Variants in WDR41 observed in about 807,000 individuals in gnomAD.
The protein encoded by WDR41 is WD repeat domain 41, also known as WD repeat-containing protein 41.
In WDR41, 63 loss-of-function variants were observed where a neutral mutation model predicts 69.3. The ratio of observed to expected loss-of-function variants is 0.91; its 90% CI spans 0.74 to 1.12. The LOEUF (loss-of-function observed/expected upper bound fraction) is 1.12, where lower values mean the gene tolerates loss of function less well. Among genes scored for constraint, WDR41 ranks in the 50% most tolerant of loss-of-function variants. The pLI is 0.00. For synonymous variants in WDR41, 185 were observed against 192.1 expected (o/e 0.96, Z 0.31); for missense variants, 543 against 534.5 (o/e 1.02, Z -0.16).
intron 2 of WDR41, among the ~76,000 whole-genome samples, chr5:77,481,058 G>T (rs1192847031): frequency 5.9e-5 from 9 of 151,402 alleles, no homozygotes; most frequent in African/African-American, 1.7e-4. Flanking sequence ...GTCTCGCCCT[G>T]TTGCCCAGGC....
At chr5:77,496,636 C>T (rs1162240788), upstream of WDR41, among the ~76,000 whole-genome samples, 2 of 151,922 alleles carry the variant, frequency 1.3e-5, no homozygotes, top group Non-Finnish European at 2.9e-5. Flanking sequence ...AATAAAAAGA[C>T]GTCCAAGCTC....
intron 1 of WDR41, among the ~76,000 whole-genome samples, chr5:77,498,320 A>T (rs140118816): frequency 0.012 from 1,833 of 150,730 alleles, 36 homozygotes; most frequent in African/African-American, 0.041. Flanking sequence ...AGCCACATAT[A>T]TATGGATAAC....
chr5:77,613,859 A>T (rs892098628), intron 1 of WDR41, among the ~76,000 whole-genome samples: 1 of 152,256 alleles, frequency 6.6e-6, no homozygotes, highest in African/African-American at 2.4e-5. Context: ...TGAACAGGCA[A>T]CCTACAGAAT....
At chr5:77,556,092 G>T in intron 1 of WDR41, among the ~76,000 whole-genome samples, 1 of 143,062 alleles carries the variant, frequency 7.0e-6, no homozygotes, top group Admixed American at 7.2e-5. Context: ...GGGAAAAGAT[G>T]GACTTTTTTT....
At chr5:77,557,284 C>T (rs1412995669) in intron 1 of WDR41, among the ~76,000 whole-genome samples, 1 of 151,900 alleles carries the variant, frequency 6.6e-6, no homozygotes, top group Middle Eastern at 3.4e-3. Context: ...AACAAAAAAC[C>T]ATTAAGAGAA....
chr5:77,439,278 C>T (rs547425867), intron 9 of WDR41, among the ~76,000 whole-genome samples: 89 of 152,320 alleles, frequency 5.8e-4, no homozygotes, highest in African/African-American at 2.1e-3. Flanking sequence ...GGCTCTCCAA[C>T]CTTTCTCACA....
intron 2 of WDR41, among the ~76,000 whole-genome samples, chr5:77,469,130 C>A (rs1800438767): frequency 6.6e-6 from 1 of 152,104 alleles, no homozygotes; most frequent in East Asian, 1.9e-4. Flanking sequence ...TCTCAGCAAA[C>A]TATCGCCAAG....
At chr5:77,545,111 C>T (rs1445602162) in intron 1 of WDR41, among the ~76,000 whole-genome samples, 2 of 152,014 alleles carry the variant, frequency 1.3e-5, no homozygotes, top group Non-Finnish European at 2.9e-5. Flanking sequence ...TTAAAATGTT[C>T]TTCAGACTGA....
At chr5:77,485,898 G>A (rs960759178) in intron 2 of WDR41, among the ~76,000 whole-genome samples, 3 of 151,826 alleles carry the variant, frequency 2.0e-5, no homozygotes, top group East Asian at 3.9e-4. Context: ...TCAATAAGAT[G>A]ATATTATCTA....
At chr5:77,620,321 A>T (rs1395232840) in intron 1 of WDR41, among the ~76,000 whole-genome samples, 1 of 152,250 alleles carries the variant, frequency 6.6e-6, no homozygotes, top group Non-Finnish European at 1.5e-5. Context: ...TAAAATAGAA[A>T]GTTAGCATAT....
At chr5:77,547,319 G>C (rs533019709) in intron 1 of WDR41, among the ~76,000 whole-genome samples, 4 of 152,152 alleles carry the variant, frequency 2.6e-5, no homozygotes, top group South Asian at 4.1e-4. Context: ...TCAGTAAAGA[G>C]GAAGTCAAGC....
At chr5:77,527,792 TA>T (rs1802470800) in intron 1 of WDR41, among the ~76,000 whole-genome samples, 1 of 151,876 alleles carries the variant, frequency 6.6e-6, no homozygotes, top group Non-Finnish European at 1.5e-5. Flanking sequence ...TTTAAAACTT[TA>T]ATATTTCCAT....
chr5:77,610,120 A>G (rs1744517080), intron 1 of WDR41, among the ~76,000 whole-genome samples: 1 of 152,212 alleles, frequency 6.6e-6, no homozygotes, highest in African/African-American at 2.4e-5. Flanking sequence ...AAGAATAAAA[A>G]GAAATGAACA....
chr5:77,510,984 C>G (rs1231177456), intron 1 of WDR41, among the ~76,000 whole-genome samples: 3 of 152,018 alleles, frequency 2.0e-5, no homozygotes, highest in African/African-American at 7.2e-5. Flanking sequence ...AGGCTGGTCT[C>G]AAACTCAGGT....
In WDR41 at chr5:77,432,375, T is replaced by A. The variant is rs1217958572; in HGVS notation, c.*760A>T. On this transcript the variant is annotated 3_prime_UTR_variant, in exon 13 of 13. Transcript: ENST00000296679. ...CTGTCTCAAGCAGTTCGTATTTGAGTCAGTGGTCAGATGGGGCAGTTGCGC... is the reference window on the plus strand; with the variant it reads ...CTGTCTCAAGCAGTTCGTATTTGAGACAGTGGTCAGATGGGGCAGTTGCGC... 6.6e-6 allele frequency: 1 copy of A among 152,554 alleles called. No individual in the cohort carries two copies. The highest frequency in any genetic ancestry group is 1.5e-5 in the Non-Finnish European group (1 of 68,036). The allele number at this position is 152,554 out of a possible 1,614,324, so 9.5% of individuals were successfully genotyped here.
chr5:77,571,672 A>C (rs1172419036), intron 1 of WDR41, among the ~76,000 whole-genome samples: 1 of 152,238 alleles, frequency 6.6e-6, no homozygotes, highest in Non-Finnish European at 1.5e-5. Context: ...CTGGATTCTT[A>C]GCTCACAGAG....
intron 2 of WDR41, among the ~76,000 whole-genome samples, chr5:77,473,649 C>G (rs143530017): frequency 6.6e-6 from 1 of 152,162 alleles, no homozygotes; most frequent in Non-Finnish European, 1.5e-5. Flanking sequence ...TGAACAGACA[C>G]TTCTCAAAAG....
intron 1 of WDR41, among the ~76,000 whole-genome samples, chr5:77,611,836 A>T (rs1209844781): frequency 6.6e-6 from 1 of 152,096 alleles, no homozygotes; most frequent in Non-Finnish European, 1.5e-5. Flanking sequence ...CCCTTCAAAA[A>T]ATCAATGAAT....
intron 2 of WDR41, among the ~76,000 whole-genome samples, chr5:77,466,366 T>A (rs1231770815): frequency 6.6e-6 from 1 of 151,894 alleles, no homozygotes; most frequent in Non-Finnish European, 1.5e-5. Context: ...TTTAGCAGCT[T>A]ATGTTTCTGG....
Sources: gnomAD v4.1 joint callset for allele counts (sites outside exome capture counted in the v4.1 genomes callset) on GRCh38, gnomAD v4.1.1 for gene constraint, MANE v1.5 for transcripts, NCBI Gene and HGNC (gene_info 2026-07-23, HGNC 2026-07-21) for gene names.